The following SPIN1 variants were observed in gnomAD, a reference collection of about 807,000 sequenced individuals.
The protein encoded by SPIN1 is spindlin 1, also known as spindlin-1.
In SPIN1, 3 loss-of-function variants were observed where a neutral mutation model predicts 26.0. The observed-to-expected ratio is 0.12, with a 90% CI of 0.05 to 0.30. The LOEUF (loss-of-function observed/expected upper bound fraction) is 0.30. Ranked by LOEUF, SPIN1 falls within the 10% of genes least tolerant of loss-of-function variation. The pLI is 1.00. For missense variants in SPIN1, 126 were observed against 333.4 expected (o/e 0.38, Z 4.84); for synonymous variants, 101 against 116.5 (o/e 0.87, Z 0.86).
intron 1 of SPIN1, among the ~76,000 whole-genome samples, chr9:88,406,292 ATT>A (rs34100420): frequency 4.3e-4 from 58 of 135,378 alleles, no homozygotes; most frequent in Middle Eastern, 3.7e-3. Flanking sequence ...ATATACTAGA[ATT>A]TTTTTTTTTT....
chr9:88,404,564 C>T (rs563922184), intron 1 of SPIN1, among the ~76,000 whole-genome samples: 30 of 152,068 alleles, frequency 2.0e-4, no homozygotes, highest in African/African-American at 5.5e-4. Flanking sequence ...TTTTGTAAGC[C>T]TTTTCTATTT....
In SPIN1 at chr9:88,396,857, C is replaced by T. The variant is rs144844921; in HGVS notation, c.-159+8319C>T. Among the ~76,000 whole-genome samples the T allele has an allele frequency of 2.7e-3, 415 of 152,130 alleles. 3 individuals are homozygous for T. The highest frequency in any genetic ancestry group is 9.3e-3 in the African/African-American group (386 of 41,544). On this transcript the variant is annotated intron_variant, in intron 1 of 5. Transcript: ENST00000375859. Reference sequence around the variant, plus strand: ...GGCTACAAACCTGTACAGCATATGACTGAACTGAATACTGTAGACTATTGG... The same window carrying T: ...GGCTACAAACCTGTACAGCATATGATTGAACTGAATACTGTAGACTATTGG...
intron 2 of SPIN1, among the ~76,000 whole-genome samples, chr9:88,445,543 T>TTAG (rs994667435): frequency 1.8e-4 from 26 of 146,810 alleles, no homozygotes; most frequent in Admixed American, 6.9e-4. Context: ...ATTATTATTA[T>TTAG]TATTATTATT....
In SPIN1 at chr9:88,475,444, A is replaced by G; in HGVS notation, c.*167A>G. ...CTGAATAGTACAGATTGATGTGAAC[A>G]CAAAGCATTTTGTGTAAGGAGAACC... On this transcript the variant is annotated 3_prime_UTR_variant, in exon 6 of 6. Coordinates refer to ENST00000375859, the MANE Select transcript of SPIN1 (RefSeq NM_006717.3). 1 of 573,642 alleles carries G rather than the reference A, an allele frequency of 1.7e-6. No homozygotes were observed. Among genetic ancestry groups the G allele is most frequent in the Non-Finnish European group, 2.9e-6 (1 of 350,058 alleles). 35.5% of individuals were successfully genotyped at this position (573,642 alleles called of 1,614,324 possible).
At position 88,391,040 on chromosome 9, in the gene SPIN1, A is replaced by G. The variant is rs377279551; in HGVS notation, c.-159+2502A>G. ...GTTTTCTTTATATTCTTGCCCCACA[A>G]GTTGCTTTACTTGAACTCTTGGGTT... On this transcript the variant is annotated intron_variant, in intron 1 of 5. Coordinates refer to ENST00000375859, the MANE Select transcript of SPIN1 (RefSeq NM_006717.3). Among the ~76,000 whole-genome samples, 21 of 152,226 alleles carry G rather than the reference A, an allele frequency of 1.4e-4. 2 individuals are homozygous for G. The highest frequency in any genetic ancestry group is 4.6e-4 in the African/African-American group (19 of 41,534).
intron 1 of SPIN1, among the ~76,000 whole-genome samples, chr9:88,388,746 G>GGCGC (rs1826845054): frequency 6.7e-6 from 1 of 149,140 alleles, no homozygotes; most frequent in African/African-American, 2.4e-5. Flanking sequence ...CCTCGGGGCG[G>GGCGC]GCGCGCGCTC....
intron 2 of SPIN1, among the ~76,000 whole-genome samples, chr9:88,431,290 C>CTCT (rs1554694478): frequency 2.8e-5 from 4 of 143,404 alleles, no homozygotes; most frequent in African/African-American, 7.7e-5. Context: ...CTCTCTCTCT[C>CTCT]TTTTTTTTTT....
intron 1 of SPIN1, among the ~76,000 whole-genome samples, chr9:88,394,036 A>G (rs1826997438): frequency 1.3e-5 from 2 of 151,912 alleles, no homozygotes; most frequent in African/African-American, 4.8e-5. Flanking sequence ...TTTAGTAGAG[A>G]TGGGGTTTTA....
At chr9:88,466,577 T>C (rs575354139) in intron 4 of SPIN1, among the ~76,000 whole-genome samples, 2 of 152,340 alleles carry the variant, frequency 1.3e-5, no homozygotes, top group East Asian at 3.9e-4. Context: ...TTTTTTATTA[T>C]TACTGCGTAC....
intron 1 of SPIN1, among the ~76,000 whole-genome samples, chr9:88,412,683 G>A (rs1292389191): frequency 6.6e-6 from 1 of 151,846 alleles, no homozygotes; most frequent in Non-Finnish European, 1.5e-5. Flanking sequence ...GTCTTTCTTT[G>A]TCAGTAATTT....
chr9:88,473,663 A>ATGTGTG (rs758536638), intron 5 of SPIN1, among the ~76,000 whole-genome samples: 4,557 of 151,576 alleles, frequency 0.03, 137 homozygotes, highest in African/African-American at 0.078. Flanking sequence ...GTGTGTGTGC[A>ATGTGTG]CGCGCTATGG....
chr9:88,444,050 T>C (rs1193306865), intron 2 of SPIN1, among the ~76,000 whole-genome samples: 3 of 152,056 alleles, frequency 2.0e-5, no homozygotes, highest in African/African-American at 7.2e-5. Flanking sequence ...CTCTCCAGTT[T>C]TGGGGACAGT....
At chr9:88,473,643 T>TGTGTGTG (rs1564047565) in intron 5 of SPIN1, among the ~76,000 whole-genome samples, 5 of 119,256 alleles carry the variant, frequency 4.2e-5, no homozygotes, top group African/African-American at 1.5e-4. Flanking sequence ...TTCTCCAAAC[T>TGTGTGTG]TGTGTGTGTG....
rs868847427 is a variant in SPIN1, at chr9:88,441,414, T to C, written c.53-7527T>C. Among the ~76,000 whole-genome samples the C allele has an allele frequency of 6.8e-4, 96 of 141,244 alleles. 1 individual carries two copies. The highest frequency in any genetic ancestry group is 2.1e-3 in the African/African-American group (72 of 34,382). The allele number at this position is 141,244 out of a possible 152,430, so 92.7% of individuals were successfully genotyped here. On this transcript the variant is annotated intron_variant, in intron 2 of 5. Coordinates refer to ENST00000375859, the MANE Select transcript of SPIN1 (RefSeq NM_006717.3). Reference sequence around the variant, plus strand: ...GCTGCCATTCGTGTGTGTGTGTGTGTGCGCGCGCGCGCGCCCATGTGTGTG... The same window carrying C: ...GCTGCCATTCGTGTGTGTGTGTGTGCGCGCGCGCGCGCGCCCATGTGTGTG...
chr9:88,395,798 C>T (rs1827039799), intron 1 of SPIN1, among the ~76,000 whole-genome samples: 1 of 151,852 alleles, frequency 6.6e-6, no homozygotes, highest in Non-Finnish European at 1.5e-5. Flanking sequence ...CCTGTAATCC[C>T]AGCACTTTGG....
intron 2 of SPIN1, among the ~76,000 whole-genome samples, chr9:88,428,778 G>A (rs778375543): frequency 2.0e-5 from 3 of 152,194 alleles, no homozygotes; most frequent in Middle Eastern, 3.4e-3. Context: ...CCTAGTTGGC[G>A]TGTGAGATAT....
intron 1 of SPIN1, among the ~76,000 whole-genome samples, chr9:88,413,289 A>G (rs1294011368): frequency 6.7e-6 from 1 of 149,576 alleles, no homozygotes; most frequent in Non-Finnish European, 1.5e-5. Context: ...AACTCCTGAC[A>G]TCAGGTGATC....
chr9:88,396,894 G>A (rs1181357621), intron 1 of SPIN1, among the ~76,000 whole-genome samples: 1 of 152,036 alleles, frequency 6.6e-6, no homozygotes, highest in African/African-American at 2.4e-5. Context: ...ACACAGTGCT[G>A]TGTAGGTATT....
At chr9:88,412,178 CAAAA>C (rs959309571) in intron 1 of SPIN1, among the ~76,000 whole-genome samples, 1 of 148,398 alleles carries the variant, frequency 6.7e-6, no homozygotes, top group Non-Finnish European at 1.5e-5. Flanking sequence ...GACTGCATCT[CAAAA>C]AAAAACAAAA....
Sources: gnomAD v4.1 joint callset for allele counts (sites outside exome capture counted in the v4.1 genomes callset) on GRCh38, gnomAD v4.1.1 for gene constraint, MANE v1.5 for transcripts, NCBI Gene and HGNC (gene_info 2026-07-23, HGNC 2026-07-21) for gene names.